The following POU2AF2 variants were observed in gnomAD, a reference collection of about 807,000 sequenced individuals.
The protein encoded by POU2AF2 is POU class 2 homeobox associating factor 2.
At chr11:111,259,231 T>C in the POU2AF2 span, among the ~76,000 whole-genome samples, 9,839 of 151,992 alleles carry the variant, frequency 0.065, 1,047 homozygotes, top group African/African-American at 0.22. Flanking sequence ...GATGAGTGCA[T>C]TGAGAACAAG....
chr11:111,270,378 C>A, the POU2AF2 span, among the ~76,000 whole-genome samples: 2 of 152,296 alleles, frequency 1.3e-5, no homozygotes, highest in East Asian at 3.9e-4. Context: ...AAGCCTTGAG[C>A]AAATCACTTA....
chr11:111,261,251 A>G, the POU2AF2 span, among the ~76,000 whole-genome samples: 1 of 126,610 alleles, frequency 7.9e-6, no homozygotes, highest in Non-Finnish European at 1.6e-5. Context: ...ACCACCATCT[A>G]GTACCAAATA....
At chr11:111,258,433 C>T in the POU2AF2 span, among the ~76,000 whole-genome samples, 2 of 152,182 alleles carry the variant, frequency 1.3e-5, no homozygotes, top group South Asian at 4.2e-4. Flanking sequence ...ATTATCAATG[C>T]CTGTATACAA....
At chr11:111,247,877 C>CT in the POU2AF2 span, among the ~76,000 whole-genome samples, 15 of 111,456 alleles carry the variant, frequency 1.3e-4, no homozygotes, top group African/African-American at 5.1e-4. Flanking sequence ...CTATAAGTGG[C>CT]CTTTTTTTTT....
At chr11:111,265,578 A>G in the POU2AF2 span, among the ~76,000 whole-genome samples, 6 of 152,240 alleles carry the variant, frequency 3.9e-5, no homozygotes, top group African/African-American at 1.4e-4. Context: ...AAATTTGATA[A>G]TGTCTACAAA....
chr11:111,246,223 T>C, the POU2AF2 span, among the ~76,000 whole-genome samples: 1 of 152,234 alleles, frequency 6.6e-6, no homozygotes, highest in Non-Finnish European at 1.5e-5. Flanking sequence ...TTCAGTAAGC[T>C]CTCAACTATA....
the POU2AF2 span, among the ~76,000 whole-genome samples, chr11:111,275,510 G>A: frequency 6.6e-6 from 1 of 152,098 alleles, no homozygotes; most frequent in Non-Finnish European, 1.5e-5. Flanking sequence ...ATTAATGTGG[G>A]GAACCTGGAA....
the POU2AF2 span, among the ~76,000 whole-genome samples, chr11:111,251,504 T>C: frequency 6.6e-6 from 1 of 152,222 alleles, no homozygotes; most frequent in Admixed American, 6.5e-5. Flanking sequence ...TGAAACTCGA[T>C]TACATCTATA....
the POU2AF2 span, among the ~76,000 whole-genome samples, chr11:111,259,309 C>CTTTTT: frequency 1.7e-4 from 22 of 129,982 alleles, 2 homozygotes; most frequent in South Asian, 4.9e-4. Context: ...TTCCACATTC[C>CTTTTT]TTTTTTTTTT....
At chr11:111,280,057 A>AAATAT in the POU2AF2 span, among the ~76,000 whole-genome samples, 26 of 76,476 alleles carry the variant, frequency 3.4e-4, no homozygotes, top group South Asian at 4.6e-4. Context: ...AAAAAAAAAA[A>AAATAT]ATATATATAT....
chr11:111,261,267 ACAC>A, the POU2AF2 span, among the ~76,000 whole-genome samples: 1 of 67,994 alleles, frequency 1.5e-5, no homozygotes, highest in Admixed American at 1.7e-4. Context: ...AAATACACAC[ACAC>A]ACACACACAC....
chr11:111,276,453 A>AAAATATAGATATATATATAT, the POU2AF2 span, among the ~76,000 whole-genome samples: 127 of 37,654 alleles, frequency 3.4e-3, 1 homozygote, highest in Non-Finnish European at 5.3e-3. Flanking sequence ...AAAAAAAAAA[A>AAAATATAGATATATATATAT]ATATATATAT....
the POU2AF2 span, chr11:111,285,767 G>A: frequency 1.6e-5 from 26 of 1,612,790 alleles, no homozygotes; most frequent in South Asian, 2.0e-4. Flanking sequence ...GCTTGAGTCC[G>A]GGAGCATCGC....
chr11:111,284,226 C>T, the POU2AF2 span: 7 of 1,614,034 alleles, frequency 4.3e-6, no homozygotes, highest in African/African-American at 1.3e-5. Flanking sequence ...CAGAGCCATG[C>T]GGCTCTCCTG....
At chr11:111,251,739 T>C in the POU2AF2 span, among the ~76,000 whole-genome samples, 2 of 152,352 alleles carry the variant, frequency 1.3e-5, no homozygotes, top group South Asian at 4.1e-4. Flanking sequence ...CCCCTGCTCT[T>C]TCACATGTGA....
chr11:111,277,603 G>A, the POU2AF2 span, among the ~76,000 whole-genome samples: 3 of 152,244 alleles, frequency 2.0e-5, no homozygotes, highest in East Asian at 5.8e-4. Context: ...ACATGCTGAG[G>A]GCAAATAGGG....
the POU2AF2 span, among the ~76,000 whole-genome samples, chr11:111,275,845 A>T: frequency 2.6e-5 from 4 of 152,240 alleles, no homozygotes; most frequent in African/African-American, 9.6e-5. Context: ...AAAATATAAA[A>T]TCATGAATAT....
chr11:111,247,938 G>T, the POU2AF2 span, among the ~76,000 whole-genome samples: 1 of 145,292 alleles, frequency 6.9e-6, no homozygotes, highest in Admixed American at 6.9e-5. Context: ...GAGTGCAGTG[G>T]TGTGGCGCGA....
At chr11:111,276,439 G>GAAAAAAAAAA in the POU2AF2 span, among the ~76,000 whole-genome samples, 4 of 44,446 alleles carry the variant, frequency 9.0e-5, no homozygotes, top group East Asian at 1.0e-3. Flanking sequence ...CTACTAAAAA[G>GAAAAAAAAAA]AAAAAAAAAA....
Sources: gnomAD v4.1 joint callset for allele counts (sites outside exome capture counted in the v4.1 genomes callset) on GRCh38, gnomAD v4.1.1 for gene constraint, MANE v1.5 for transcripts, NCBI Gene and HGNC (gene_info 2026-07-23, HGNC 2026-07-21) for gene names.